Variants in KIF27 observed in about 807,000 individuals in gnomAD.
KIF27 encodes the protein kinesin-like protein KIF27.
Under a neutral mutation model 141.8 loss-of-function variants are expected in KIF27, and 84 were observed. The observed-to-expected ratio is 0.59, with a 90% CI of 0.50 to 0.71. The LOEUF (loss-of-function observed/expected upper bound fraction) is 0.71, where lower values mean the gene tolerates loss of function less well. KIF27 is among the 30% of genes least tolerant of loss of function. KIF27 has a pLI of 0.00. For missense variants in KIF27, 1,306 were observed against 1,628.4 expected, an observed-to-expected ratio of 0.80 and a Z score of 3.41; for synonymous variants, 471 against 569.5, an observed-to-expected ratio of 0.83 and a Z score of 2.46.
intron 17 of KIF27, among the ~76,000 whole-genome samples, chr9:83,840,874 G>A (rs1946476685): frequency 6.6e-6 from 1 of 152,042 alleles, no homozygotes; most frequent in Non-Finnish European, 1.5e-5. Context: ...TTGGAATACT[G>A]AACCAGCAGT....
chr9:83,905,651 A>G (rs1404602905), intron 3 of KIF27, among the ~76,000 whole-genome samples: 1 of 152,164 alleles, frequency 6.6e-6, no homozygotes, highest in East Asian at 1.9e-4. Context: ...CTTTCATTAA[A>G]TTTTTCCAGT....
Position 83,920,724 on chromosome 9 carries a change from A to C in KIF27, c.-88+647T>G, listed in dbSNP as rs1956170217. ...ACTGGAGACTTAAAAGGTGTTACTT[A>C]AAAGGTGTTTCAAAGAAAGAATCTG... is the stretch of plus-strand genomic sequence containing the variant. On this transcript the variant is annotated intron_variant, in intron 1 of 17. Coordinates refer to ENST00000297814, the MANE Select transcript of KIF27 (RefSeq NM_017576.4). Among the ~76,000 whole-genome samples, 4 of 152,310 alleles carry C rather than the reference A, an allele frequency of 2.6e-5. No individual in the cohort carries two copies. The South Asian group carries it at 8.3e-4, about 32-fold the overall frequency.
intron 16 of KIF27, among the ~76,000 whole-genome samples, chr9:83,844,143 T>C (rs1419051353): frequency 6.6e-6 from 1 of 152,092 alleles, no homozygotes; most frequent in African/African-American, 2.4e-5. Flanking sequence ...CCAGCCTACA[T>C]CTTTCTCCCA....
chr9:83,910,361 T>C (rs1955021391), intron 2 of KIF27, among the ~76,000 whole-genome samples: 2 of 152,230 alleles, frequency 1.3e-5, no homozygotes, highest in African/African-American at 4.8e-5. Flanking sequence ...TCCTTTGCAC[T>C]AAAATATCTT....
At chr9:83,917,623 T>C (rs1032586614) in intron 1 of KIF27, among the ~76,000 whole-genome samples, 1 of 152,154 alleles carries the variant, frequency 6.6e-6, no homozygotes, top group African/African-American at 2.4e-5. Context: ...ATCAACAGAA[T>C]AGAATTGAGA....
At position 83,894,911 on chromosome 9, in the gene KIF27, A is replaced by C. The variant is rs531778086; in HGVS notation, c.1603-3410T>G. Among the ~76,000 whole-genome samples the C allele has an allele frequency of 5.3e-4, 81 of 152,256 alleles. No individual in the cohort carries two copies. The South Asian group carries it at 7.3e-3, about 14-fold the overall frequency. On this transcript the variant is annotated intron_variant, in intron 5 of 17. Transcript: ENST00000297814. ...TACAACAGTACATCACAACATCAAC[A>C]ACAAAAAGGGTTTATTCCAGGAATA...
At chr9:83,896,512 T>C (rs567988211) in intron 5 of KIF27, among the ~76,000 whole-genome samples, 56 of 152,276 alleles carry the variant, frequency 3.7e-4, no homozygotes, top group African/African-American at 1.2e-3. Context: ...AAGAAATCTA[T>C]AAATTATTTG....
At chr9:83,900,955 T>C (rs894812540) in intron 4 of KIF27, among the ~76,000 whole-genome samples, 2 of 152,040 alleles carry the variant, frequency 1.3e-5, no homozygotes, top group African/African-American at 4.8e-5. Context: ...TATGCTATTA[T>C]TTATTTATTC....
chr9:83,921,188 C>A (rs1452260428), intron 1 of KIF27, among the ~76,000 whole-genome samples, 183 bp downstream of exon 1: 1 of 151,850 alleles, frequency 6.6e-6, no homozygotes, highest in African/African-American at 2.4e-5. Flanking sequence ...GCCTAGCTGG[C>A]GCCCCAACCG....
chr9:83,844,912 C>A (rs1947060662), intron 16 of KIF27, among the ~76,000 whole-genome samples: 2 of 152,180 alleles, frequency 1.3e-5, no homozygotes, highest in Admixed American at 1.3e-4. Context: ...ATTTTGAAGG[C>A]AGCACATTCC....
intron 15 of KIF27, among the ~76,000 whole-genome samples, chr9:83,852,788 C>A (rs1426964643): frequency 2.0e-5 from 3 of 152,006 alleles, no homozygotes; most frequent in Admixed American, 2.0e-4. Context: ...GCTACCATAC[C>A]CGGCTAATTT....
chr9:83,857,806 G>A (rs1442149555), intron 14 of KIF27, among the ~76,000 whole-genome samples: 1 of 152,006 alleles, frequency 6.6e-6, no homozygotes, highest in African/African-American at 2.4e-5. Flanking sequence ...TCCCCCAAAT[G>A]ATCACTTCAT....
chr9:83,920,837 A>G lies in KIF27; in HGVS notation c.-88+534T>C, dbSNP rs193133830. On this transcript the variant is annotated intron_variant, in intron 1 of 17. Coordinates refer to ENST00000297814, the MANE Select transcript of KIF27 (RefSeq NM_017576.4). The stretch of plus-strand genomic sequence containing the variant: ...CAAGGTTCAACCTCTACGGTAGGAA[A>G]TGCGCCCAAGTTTCAACCTCTACGG... Among the ~76,000 whole-genome samples the G allele has an allele frequency of 3.1e-3, 315 of 102,732 alleles. 1 individual carries two copies. The highest frequency in any genetic ancestry group is 0.01 in the African/African-American group (298 of 28,762). The allele number at this position is 102,732 out of a possible 152,430, so 67.4% of individuals were successfully genotyped here. A position where few individuals can be genotyped will look rare whatever the true frequency, so the allele number is the denominator to read the frequency against.
rs1489988620 is a variant in KIF27 at position 83,837,432 on chromosome 9, C to T, written c.3775G>A (p.Glu1259Lys). 1 of 1,613,538 alleles carries T rather than the reference C, an allele frequency of 6.2e-7. No individual in the cohort carries two copies. Among genetic ancestry groups the T allele is most frequent in the South Asian group, 1.1e-5 (1 of 90,902 alleles). Residue 1259 changes from glutamate (E) to lysine (K), a missense_variant, in exon 18 of 18, where the codon GAA (glutamate) becomes AAA (lysine). Physicochemically the swap from Glu to Lys is moderately conservative, Grantham distance 56. This residue lies in a region of KIF27 where 148 missense variants were observed against 250.9 expected (regional missense o/e 0.59). Transcript: ENST00000297814. ...GGTCTGGATGCCCATTTTAATTCTT[C>T]TGAAAGCATGCCTCCTCCTTCTGGC... ...LKPEGGGMLS[E>K]ELKWASRPES...
chr9:83,919,558 A>G (rs1956046465), intron 1 of KIF27, among the ~76,000 whole-genome samples: 1 of 152,030 alleles, frequency 6.6e-6, no homozygotes, highest in South Asian at 2.1e-4. Flanking sequence ...TTTATTAATA[A>G]CACTAACAAC....
chr9:83,863,953 T>A (rs573190797), intron 13 of KIF27: 66 of 152,324 alleles, frequency 4.3e-4, no homozygotes, highest in African/African-American at 1.6e-3. Context: ...GATTTTCTAG[T>A]TTATTTGCAT....
intron 11 of KIF27, among the ~76,000 whole-genome samples, chr9:83,878,103 G>T (rs2132154294): frequency 7.0e-6 from 1 of 141,938 alleles, no homozygotes; most frequent in Non-Finnish European, 1.5e-5. Context: ...GGCGGAGCTT[G>T]CAGTGAGCCG....
At chr9:83,877,033 T>C (rs1409821100) in intron 11 of KIF27, among the ~76,000 whole-genome samples, 2 of 152,186 alleles carry the variant, frequency 1.3e-5, no homozygotes, top group African/African-American at 2.4e-5. Flanking sequence ...GCTATGATCA[T>C]GGCACCGCAC....
At chr9:83,871,012 G>A (rs1426585493) in intron 11 of KIF27, among the ~76,000 whole-genome samples, 2 of 152,102 alleles carry the variant, frequency 1.3e-5, no homozygotes, top group African/African-American at 4.8e-5. Flanking sequence ...CTGGGCTCAA[G>A]TAATCCTCTC....
Sources: gnomAD v4.1 joint callset for allele counts (sites outside exome capture counted in the v4.1 genomes callset) on GRCh38, gnomAD v4.1.1 for gene constraint, gnomAD v4.1.1 regional missense constraint, MANE v1.5 for transcripts, NCBI Gene and HGNC (gene_info 2026-07-23, HGNC 2026-07-21) for gene names.